Variants in DLGAP4 observed in about 807,000 individuals in gnomAD.
DLGAP4 encodes disks large-associated protein 4.
In DLGAP4, 18 loss-of-function variants were observed where a neutral mutation model predicts 86.9. That is an observed-to-expected ratio of 0.21 (90% CI 0.14 to 0.31). The LOEUF is 0.31. Ranked by LOEUF, DLGAP4 falls within the 10% of genes least tolerant of loss-of-function variation. The pLI is 1.00. For synonymous variants in DLGAP4, 548 were observed against 574.3 expected, an observed-to-expected ratio of 0.95 and a Z score of 0.65; for missense variants, 1,085 against 1,362.6, an observed-to-expected ratio of 0.80 and a Z score of 3.21.
At chr20:36,461,757 C>A in intron 7 of DLGAP4, 2 of 530,626 alleles carry the variant, frequency 3.8e-6, no homozygotes, top group Non-Finnish European at 4.6e-6. Flanking sequence ...GTCCGCCCGC[C>A]CGCCCGCCCG....
At chr20:36,329,481 C>A (rs1461631157) in intron 1 of DLGAP4, among the ~76,000 whole-genome samples, 1 of 152,212 alleles carries the variant, frequency 6.6e-6, no homozygotes, top group African/African-American at 2.4e-5. Flanking sequence ...CCAGACACAG[C>A]GCAAACCTTG....
At chr20:36,526,570 T>G (rs1166036891) in intron 12 of DLGAP4, among the ~76,000 whole-genome samples, 2 of 152,128 alleles carry the variant, frequency 1.3e-5, no homozygotes, top group Non-Finnish European at 2.9e-5. Flanking sequence ...CAATGGGATC[T>G]GCCCGTCCCC....
intron 7 of DLGAP4, among the ~76,000 whole-genome samples, chr20:36,475,928 C>CTT (rs1489125779): frequency 6.6e-6 from 1 of 151,362 alleles, no homozygotes; most frequent in Non-Finnish European, 1.5e-5. Flanking sequence ...GGCGCAGTTT[C>CTT]GGCTCACTGC....
chr20:36,344,806 C>T (rs971528391), intron 1 of DLGAP4, among the ~76,000 whole-genome samples: 5 of 152,164 alleles, frequency 3.3e-5, no homozygotes, highest in Non-Finnish European at 1.5e-5. Flanking sequence ...TCATCTTGGC[C>T]GTGTGGAGGC....
intron 10 of DLGAP4, among the ~76,000 whole-genome samples, chr20:36,518,384 A>G (rs1002118303): frequency 2.0e-5 from 3 of 152,024 alleles, no homozygotes; most frequent in African/African-American, 7.3e-5. Flanking sequence ...GGGTTTGTTA[A>G]TTTTATTAAT....
At chr20:36,378,940 G>A (rs548371016) in intron 2 of DLGAP4, among the ~76,000 whole-genome samples, 1 of 152,278 alleles carries the variant, frequency 6.6e-6, no homozygotes, top group Admixed American at 6.5e-5. Context: ...CAGGGACTGG[G>A]GAAGTGGTTG....
At chr20:36,506,879 G>T (rs1387481560) in intron 10 of DLGAP4, among the ~76,000 whole-genome samples, 1 of 152,112 alleles carries the variant, frequency 6.6e-6, no homozygotes, top group Non-Finnish European at 1.5e-5. Context: ...CTATGAGTTT[G>T]ACTATTCTAG....
At chr20:36,329,277 A>C (rs2065245235) in intron 1 of DLGAP4, among the ~76,000 whole-genome samples, 1 of 152,204 alleles carries the variant, frequency 6.6e-6, no homozygotes, top group African/African-American at 2.4e-5. Context: ...AAAACAGTTC[A>C]GATTGTTGGA....
intron 1 of DLGAP4, among the ~76,000 whole-genome samples, chr20:36,345,160 G>A (rs539283783): frequency 2.2e-4 from 33 of 152,240 alleles, no homozygotes; most frequent in Non-Finnish European, 4.4e-4. Flanking sequence ...GTCCCAGCTG[G>A]AAGGTTCCCA....
chr20:36,338,259 G>T (rs2065342272), intron 1 of DLGAP4, among the ~76,000 whole-genome samples: 1 of 152,188 alleles, frequency 6.6e-6, no homozygotes, highest in African/African-American at 2.4e-5. Flanking sequence ...GAGGCTACTG[G>T]AATGGTAGTA....
At chr20:36,524,800 G>C (rs1445140521) in intron 11 of DLGAP4, among the ~76,000 whole-genome samples, 3 of 152,066 alleles carry the variant, frequency 2.0e-5, no homozygotes, top group Non-Finnish European at 4.4e-5. Context: ...TACTCGGGAG[G>C]CTGAGGCAGG....
chr20:36,412,932 T>C (rs2147504712), intron 2 of DLGAP4, among the ~76,000 whole-genome samples: 1 of 152,202 alleles, frequency 6.6e-6, no homozygotes, highest in Non-Finnish European at 1.5e-5. Context: ...TGAAGTATAT[T>C]CACAGTGTTG....
At chr20:36,311,515 C>T (rs1600389780) in intron 1 of DLGAP4, among the ~76,000 whole-genome samples, 1 of 152,194 alleles carries the variant, frequency 6.6e-6, no homozygotes, top group Non-Finnish European at 1.5e-5. Context: ...GGGATCCCTA[C>T]TGATGTTGAC....
At chr20:36,435,810 G>T (rs2033257996) in intron 3 of DLGAP4, among the ~76,000 whole-genome samples, 1 of 152,194 alleles carries the variant, frequency 6.6e-6, no homozygotes, top group African/African-American at 2.4e-5. Flanking sequence ...TGACTGTGGG[G>T]CTAAGTAGAG....
chr20:36,336,018 A>G (rs1446501120), intron 1 of DLGAP4, among the ~76,000 whole-genome samples: 3 of 152,146 alleles, frequency 2.0e-5, no homozygotes, highest in Admixed American at 6.5e-5. Flanking sequence ...CCCTGTGGCC[A>G]GGGCCCTCCT....
intron 2 of DLGAP4, among the ~76,000 whole-genome samples, chr20:36,381,356 A>T (rs1426588043): frequency 6.6e-6 from 1 of 152,208 alleles, no homozygotes; most frequent in Non-Finnish European, 1.5e-5. Flanking sequence ...TTTTCTTACC[A>T]CTGTGGTTTC....
intron 2 of DLGAP4, among the ~76,000 whole-genome samples, chr20:36,391,071 C>G (rs142400790): frequency 1.9e-4 from 29 of 152,270 alleles, no homozygotes; most frequent in African/African-American, 6.3e-4. Context: ...TCCTTCTCCC[C>G]CTTTAAATGC....
chr20:36,315,161 TGTG>T (rs1214765710), intron 1 of DLGAP4, among the ~76,000 whole-genome samples: 4 of 150,252 alleles, frequency 2.7e-5, no homozygotes, highest in African/African-American at 7.4e-5. Flanking sequence ...TGTGCTGTGA[TGTG>T]TGTGTGGTGT....
At chr20:36,423,754 G>T (rs1278887598) in intron 2 of DLGAP4, among the ~76,000 whole-genome samples, 1 of 152,068 alleles carries the variant, frequency 6.6e-6, no homozygotes, top group Non-Finnish European at 1.5e-5. Flanking sequence ...CTGAGGTCAG[G>T]AGTTCGAGAC....
Sources: allele counts gnomAD v4.1 joint callset (sites outside exome capture counted in the v4.1 genomes callset), GRCh38; gene constraint gnomAD v4.1.1; transcripts MANE v1.5; gene names NCBI Gene and HGNC (gene_info 2026-07-23, HGNC 2026-07-21).